The following MLLT3 variants were observed in gnomAD, a reference collection of about 807,000 sequenced individuals.
The protein encoded by MLLT3 is MLLT3 super elongation complex subunit.
Under a neutral mutation model 53.2 loss-of-function variants are expected in MLLT3, and 4 were observed. That is an observed-to-expected ratio of 0.08 (90% CI 0.04 to 0.17). The LOEUF is 0.17. Among genes scored for constraint, MLLT3 ranks in the 10% least tolerant of loss-of-function variants. The pLI, the probability that MLLT3 is intolerant of heterozygous loss-of-function variation, is 1.00. For missense variants in MLLT3, 569 were observed against 684.0 expected, an observed-to-expected ratio of 0.83 and a Z score of 1.87; for synonymous variants, 283 against 230.6, an observed-to-expected ratio of 1.23 and a Z score of -2.06.
intron 2 of MLLT3, among the ~76,000 whole-genome samples, chr9:20,615,899 A>G (rs1283996386): frequency 2.6e-5 from 4 of 151,300 alleles, no homozygotes; most frequent in African/African-American, 4.8e-5. Context: ...AAAGAAAAGA[A>G]AAGTAAACAA....
Position 20,414,375 on chromosome 9 carries a change from GCTA to G in MLLT3, c.468_470del (p.Ser190del), listed in dbSNP as rs746029051. On this transcript the variant is annotated inframe_deletion, in exon 5 of 11. Coordinates refer to ENST00000380338, the MANE Select transcript of MLLT3 (RefSeq NM_004529.4). Reference sequence around the variant, plus strand: ...TGCTGCTGCTGCTGCTGCTGCTGCTGCTACTGCTGCTGCTGCTGCTGCTGCTGG... The same window carrying G: ...TGCTGCTGCTGCTGCTGCTGCTGCTGCTGCTGCTGCTGCTGCTGCTGCTGG... 2.4e-3 allele frequency: 3,760 copies of G among 1,572,776 alleles called. 4 individuals carry two copies. The highest frequency in any genetic ancestry group is 2.8e-3 in the African/African-American group (207 of 73,604).
intron 5 of MLLT3, among the ~76,000 whole-genome samples, chr9:20,410,139 C>A (rs1466186998): frequency 6.6e-6 from 1 of 151,976 alleles, no homozygotes; most frequent in Non-Finnish European, 1.5e-5. Context: ...AAATTCAGAG[C>A]AAAGTGACAA....
chr9:20,454,730 C>T (rs902701752), intron 3 of MLLT3, among the ~76,000 whole-genome samples: 5 of 152,150 alleles, frequency 3.3e-5, no homozygotes, highest in African/African-American at 1.2e-4. Flanking sequence ...ACCATATGAT[C>T]TTCATCACTT....
intron 5 of MLLT3, among the ~76,000 whole-genome samples, chr9:20,409,004 G>C (rs1157167781): frequency 6.6e-6 from 1 of 151,984 alleles, no homozygotes; most frequent in Non-Finnish European, 1.5e-5. Flanking sequence ...TCTCCTTCAA[G>C]AAGGTTTTCT....
intron 2 of MLLT3, among the ~76,000 whole-genome samples, chr9:20,581,860 T>C (rs1403128504): frequency 2.0e-5 from 3 of 152,194 alleles, no homozygotes; most frequent in Non-Finnish European, 1.5e-5. Flanking sequence ...TTTAAGGCTC[T>C]ATATCACTAT....
chr9:20,523,222 C>A (rs1818114409), intron 2 of MLLT3, among the ~76,000 whole-genome samples: 1 of 152,200 alleles, frequency 6.6e-6, no homozygotes, highest in South Asian at 2.1e-4. Flanking sequence ...GATAACACTT[C>A]ATGCTGGTGA....
intron 2 of MLLT3, among the ~76,000 whole-genome samples, chr9:20,543,871 T>C (rs1436145997): frequency 1.3e-5 from 2 of 152,198 alleles, no homozygotes; most frequent in African/African-American, 4.8e-5. Flanking sequence ...ATAGACTTGC[T>C]TGATGCAAGG....
At chr9:20,472,926 G>C (rs1267482105) in intron 2 of MLLT3, among the ~76,000 whole-genome samples, 2 of 150,038 alleles carry the variant, frequency 1.3e-5, no homozygotes, top group East Asian at 2.0e-4. Flanking sequence ...AAAAAGAAAA[G>C]AAAGTTTCTT....
chr9:20,357,166 C>G (rs554870052), intron 8 of MLLT3, among the ~76,000 whole-genome samples: 1 of 152,224 alleles, frequency 6.6e-6, no homozygotes. Flanking sequence ...ATTCAACATG[C>G]CTTGCAGGCT....
intron 4 of MLLT3, among the ~76,000 whole-genome samples, chr9:20,441,078 C>T (rs1172857051): frequency 2.0e-5 from 3 of 152,128 alleles, no homozygotes; most frequent in African/African-American, 7.2e-5. Flanking sequence ...CTCCCTCTCT[C>T]CTCTGTTTTT....
intron 5 of MLLT3, among the ~76,000 whole-genome samples, chr9:20,390,848 C>A (rs980650587): frequency 4.6e-5 from 7 of 152,132 alleles, no homozygotes; most frequent in Non-Finnish European, 8.8e-5. Flanking sequence ...CATGGTGGTG[C>A]AAGCCTGTAA....
chr9:20,365,676 C>T lies in MLLT3; in HGVS notation c.1194G>A (p.Arg398=). 6.2e-7 allele frequency: 1 copy of T among 1,614,142 alleles called. No individual in the cohort carries two copies. Among genetic ancestry groups the T allele is most frequent in the Non-Finnish European group, 8.5e-7 (1 of 1,180,012 alleles). ...SSSSFTPSQT[R]QQGPLRSIMK... The stretch of plus-strand genomic sequence containing the variant: ...TGCATGAGATGTTGATACCTTGTTG[C>T]CTGGTCTGGGATGGTGTGAAGCTGG... Residue 398 remains arginine, a synonymous_variant, in exon 6 of 11, where the codon AGG becomes AGA. Coordinates refer to ENST00000380338, the MANE Select transcript of MLLT3 (RefSeq NM_004529.4).
At chr9:20,476,699 C>A (rs956566782) in intron 2 of MLLT3, among the ~76,000 whole-genome samples, 1 of 152,022 alleles carries the variant, frequency 6.6e-6, no homozygotes, top group African/African-American at 2.4e-5. Context: ...AAATGAAAAA[C>A]TTTTTACATT....
intron 2 of MLLT3, among the ~76,000 whole-genome samples, chr9:20,595,564 T>C (rs192102916): frequency 1.3e-5 from 2 of 152,274 alleles, no homozygotes; most frequent in South Asian, 2.1e-4. Flanking sequence ...TATCTATCAT[T>C]TGAAACATAA....
intron 4 of MLLT3, among the ~76,000 whole-genome samples, chr9:20,432,865 T>C (rs141230544): frequency 9.1e-4 from 139 of 152,246 alleles, no homozygotes; most frequent in African/African-American, 3.2e-3. Flanking sequence ...TGATTCACTG[T>C]TGTATCTCTC....
intron 5 of MLLT3, among the ~76,000 whole-genome samples, chr9:20,391,082 ATACAGAACAGTTCACCTGT>A (rs1205385996): frequency 6.6e-6 from 1 of 152,220 alleles, no homozygotes; most frequent in Non-Finnish European, 1.5e-5. Context: ...CCAGATCAAG[ATACAGAACAGTTCACCTGT>A]TGGCAATTTT....
chr9:20,558,087 G>A (rs1436695562), intron 2 of MLLT3, among the ~76,000 whole-genome samples: 1 of 152,172 alleles, frequency 6.6e-6, no homozygotes, highest in Non-Finnish European at 1.5e-5. Flanking sequence ...AGAAAAAGAG[G>A]CTGCAAGAAG....
At chr9:20,454,255 G>A (rs964762576) in intron 3 of MLLT3, among the ~76,000 whole-genome samples, 3 of 151,786 alleles carry the variant, frequency 2.0e-5, no homozygotes, top group African/African-American at 4.8e-5. Flanking sequence ...GTGTGTGTGT[G>A]CACACGCATG....
intron 5 of MLLT3, among the ~76,000 whole-genome samples, chr9:20,383,163 T>C: frequency 6.6e-6 from 1 of 151,932 alleles, no homozygotes; most frequent in East Asian, 1.9e-4. Context: ...CACTATTGTG[T>C]TGTATATATG....
Sources: gnomAD v4.1 joint callset for allele counts (sites outside exome capture counted in the v4.1 genomes callset) on GRCh38, gnomAD v4.1.1 for gene constraint, MANE v1.5 for transcripts, NCBI Gene and HGNC (gene_info 2026-07-23, HGNC 2026-07-21) for gene names.